Variants in GRK5 observed in about 807,000 individuals in gnomAD.
GRK5 encodes g protein-coupled receptor kinase GRK5.
In GRK5, 40 loss-of-function variants were observed where a neutral mutation model predicts 78.4. The ratio of observed to expected loss-of-function variants is 0.51; its 90% CI spans 0.40 to 0.66. The LOEUF (loss-of-function observed/expected upper bound fraction) is 0.66. GRK5 is among the 30% of genes least tolerant of loss of function. The probability of loss-of-function intolerance (pLI) is 0.00; values close to 1 mark genes in which losing one functional copy is unlikely to be tolerated. For missense variants in GRK5, 598 were observed against 759.9 expected, an observed-to-expected ratio of 0.79 and a Z score of 2.50; for synonymous variants, 289 against 296.8, an observed-to-expected ratio of 0.97 and a Z score of 0.27.
At chr10:119,235,672 G>T (rs938478304) in intron 1 of GRK5, among the ~76,000 whole-genome samples, 2 of 151,368 alleles carry the variant, frequency 1.3e-5, no homozygotes, top group African/African-American at 4.9e-5. Context: ...ATTTCTGACA[G>T]TTTTTTTTTC....
intron 4 of GRK5, among the ~76,000 whole-genome samples, chr10:119,418,755 G>A (rs1734195243): frequency 6.6e-6 from 1 of 152,106 alleles, no homozygotes; most frequent in African/African-American, 2.4e-5. Context: ...TGTTAAAGTC[G>A]AGGTCTGCAG....
In GRK5 at chr10:119,267,511, G is replaced by A. The variant is rs956595409; in HGVS notation, c.53-59005G>A. On this transcript the variant is annotated intron_variant, in intron 1 of 15. Coordinates refer to ENST00000392870, the MANE Select transcript of GRK5 (RefSeq NM_005308.3). The surrounding 1 kb of genome is among the most constrained non-coding windows in gnomAD (Gnocchi z 4.1). The stretch of plus-strand genomic sequence containing the variant: ...CAGACTCCTCACCGTGGCCAGGCAA[G>A]GGATTCCCACCCTGGGTTGGGCAGC... Among the ~76,000 whole-genome samples, 3 of 152,226 alleles carry A rather than the reference G, an allele frequency of 2.0e-5. No homozygotes were observed. Among genetic ancestry groups the A allele is most frequent in the South Asian group, 4.1e-4 (2 of 4,830 alleles).
intron 5 of GRK5, 67 bp from the exon 6 acceptor site, chr10:119,424,926 C>T (rs1228391963): frequency 8.8e-7 from 1 of 1,141,982 alleles, no homozygotes; most frequent in African/African-American, 1.5e-5. Flanking sequence ...AAGCTGGACA[C>T]AGCTTTGCCC....
At chr10:119,245,411 G>C (rs1849091445) in intron 1 of GRK5, among the ~76,000 whole-genome samples, 1 of 152,192 alleles carries the variant, frequency 6.6e-6, no homozygotes, top group South Asian at 2.1e-4. Flanking sequence ...TGAAAAAACT[G>C]TGGCGTGTTC....
At chr10:119,220,357 C>A (rs575714457) in intron 1 of GRK5, among the ~76,000 whole-genome samples, 1 of 152,274 alleles carries the variant, frequency 6.6e-6, no homozygotes, top group African/African-American at 2.4e-5. Context: ...AAGCTTAATT[C>A]TCTATAATAT....
intron 2 of GRK5, among the ~76,000 whole-genome samples, chr10:119,332,373 C>T (rs1200710641): frequency 2.6e-5 from 4 of 152,192 alleles, no homozygotes; most frequent in Non-Finnish European, 5.9e-5. Flanking sequence ...TCCTGAAATG[C>T]TGGGATTACA....
chr10:119,350,875 G>A (rs1436369104), intron 2 of GRK5, among the ~76,000 whole-genome samples: 1 of 152,200 alleles, frequency 6.6e-6, no homozygotes. Flanking sequence ...AGAATGTGCT[G>A]GAATGGAATT....
intron 1 of GRK5, among the ~76,000 whole-genome samples, chr10:119,316,020 A>G (rs1203109519): frequency 6.6e-6 from 1 of 152,164 alleles, no homozygotes; most frequent in African/African-American, 2.4e-5. Flanking sequence ...GGTCTCTGTA[A>G]CCTGTGCCCC....
chr10:119,405,268 C>T (rs529776249), intron 4 of GRK5, among the ~76,000 whole-genome samples: 19 of 152,140 alleles, frequency 1.2e-4, no homozygotes, highest in Admixed American at 1.2e-3. Context: ...CTGGGAAGGC[C>T]GTTGTGCAGG....
At chr10:119,320,701 A>G (rs900660579) in intron 1 of GRK5, among the ~76,000 whole-genome samples, 1 of 152,234 alleles carries the variant, frequency 6.6e-6, no homozygotes, top group Non-Finnish European at 1.5e-5. Context: ...CCCTGAGAGC[A>G]GAGGCAGGGA....
At chr10:119,266,439 G>T (rs1157503069) in intron 1 of GRK5, among the ~76,000 whole-genome samples, 1 of 152,016 alleles carries the variant, frequency 6.6e-6, no homozygotes, top group African/African-American at 2.4e-5. Context: ...CTCCAGCCTG[G>T]GCAACAGAGC....
rs1852792442 is a variant in GRK5, at chr10:119,430,430, T to G, written c.589T>G (p.Phe197Val). 1 of 1,611,508 alleles carries G rather than the reference T, an allele frequency of 6.2e-7. No individual in the cohort carries two copies. Among genetic ancestry groups the G allele is most frequent in the African/African-American group, 1.3e-5 (1 of 74,884 alleles). The change falls in exon 7 of 16, where the codon TTC (phenylalanine) becomes GTC (valine). Residue 197 changes from phenylalanine (F) to valine (V), a missense_variant. Phe to Val is a conservative substitution (Grantham distance 50, BLOSUM62 -1). Transcript: ENST00000392870. This position sits in a 1 kb window ranked among gnomAD's most constrained non-coding sequence, Gnocchi z 4.5. ...RQYRVLGKGG[F>V]GEVCACQVRA... ...GTATCGAGTGCTAGGAAAAGGGGGC[T>G]TCGGGGAGGTGAGTGAACATTCACG...
intron 3 of GRK5, among the ~76,000 whole-genome samples, chr10:119,385,767 G>A (rs771916609): frequency 5.9e-5 from 9 of 152,210 alleles, no homozygotes; most frequent in Non-Finnish European, 7.3e-5. Context: ...AGGCACACGC[G>A]CCTTGGGATG....
chr10:119,287,048 G>A (rs1849858408), intron 1 of GRK5, among the ~76,000 whole-genome samples: 1 of 151,566 alleles, frequency 6.6e-6, no homozygotes, highest in Admixed American at 6.6e-5. Flanking sequence ...AGAATAGGAG[G>A]GAAGGGAGGG....
At chr10:119,441,556 A>G (rs1853035818) in intron 10 of GRK5, among the ~76,000 whole-genome samples, 1 of 152,234 alleles carries the variant, frequency 6.6e-6, no homozygotes, top group African/African-American at 2.4e-5. Context: ...CAATCTCCAG[A>G]GACCAACAAG....
intron 1 of GRK5, among the ~76,000 whole-genome samples, chr10:119,273,685 G>T (rs1178078851): frequency 6.6e-6 from 1 of 152,192 alleles, no homozygotes; most frequent in Non-Finnish European, 1.5e-5. Context: ...GGTTAATGGT[G>T]TTTAAGTGGC....
intron 1 of GRK5, among the ~76,000 whole-genome samples, chr10:119,294,816 C>G (rs903220697): frequency 3.3e-5 from 5 of 152,130 alleles, no homozygotes; most frequent in Admixed American, 3.3e-4. Flanking sequence ...GTTTTGCTCT[C>G]CAATGGCAGA....
intron 8 of GRK5, among the ~76,000 whole-genome samples, chr10:119,432,400 A>G (rs902727482): frequency 2.0e-5 from 3 of 152,242 alleles, no homozygotes; most frequent in African/African-American, 4.8e-5. Flanking sequence ...GTGAACTATG[A>G]TCGTGCCACT....
intron 3 of GRK5, among the ~76,000 whole-genome samples, chr10:119,386,464 A>T (rs751619350): frequency 1.1e-4 from 16 of 152,138 alleles, no homozygotes; most frequent in Non-Finnish European, 2.1e-4. Context: ...GGGGGGAAAA[A>T]AATCCAATGG....
Sources: allele counts gnomAD v4.1 joint callset (sites outside exome capture counted in the v4.1 genomes callset), GRCh38; gene constraint gnomAD v4.1.1; non-coding constraint Gnocchi (gnomAD v3.1); transcripts MANE v1.5; gene names NCBI Gene and HGNC (gene_info 2026-07-23, HGNC 2026-07-21).